The following ANKIB1 variants were observed in gnomAD, a reference collection of about 807,000 sequenced individuals.
The protein encoded by ANKIB1 is ankyrin repeat and IBR domain containing 1, also known as ankyrin repeat and IBR domain-containing protein 1.
Under a neutral mutation model 122.1 loss-of-function variants are expected in ANKIB1, and 43 were observed. The observed-to-expected ratio is 0.35, with a 90% CI of 0.28 to 0.45. The LOEUF (loss-of-function observed/expected upper bound fraction) is 0.45, where lower values mean the gene tolerates loss of function less well. Among genes scored for constraint, ANKIB1 ranks in the 20% least tolerant of loss-of-function variants. The probability of loss-of-function intolerance (pLI) is 1.00; values close to 1 mark genes in which losing one functional copy is unlikely to be tolerated. For synonymous variants in ANKIB1, 390 were observed against 442.0 expected (o/e 0.88, Z 1.48); for missense variants, 992 against 1,329.5 (o/e 0.75, Z 3.95).
At chr7:92,303,382 G>A (rs961322930) in intron 2 of ANKIB1, among the ~76,000 whole-genome samples, 2 of 152,104 alleles carry the variant, frequency 1.3e-5, no homozygotes, top group Non-Finnish European at 2.9e-5. Flanking sequence ...TCTGAATTAG[G>A]GATATTCAAT....
At chr7:92,381,376 A>G (rs959020876) in intron 11 of ANKIB1, among the ~76,000 whole-genome samples, 1 of 152,206 alleles carries the variant, frequency 6.6e-6, no homozygotes, top group Admixed American at 6.5e-5. Context: ...ATTCAAGTTC[A>G]GGAAACACAG....
intron 1 of ANKIB1, among the ~76,000 whole-genome samples, chr7:92,278,173 C>T (rs1283006289): frequency 6.6e-6 from 1 of 151,924 alleles, no homozygotes; most frequent in Non-Finnish European, 1.5e-5. Flanking sequence ...AGTGCTTGAG[C>T]CCAGGAGTTC....
At chr7:92,356,496 G>A (rs7780220) in intron 9 of ANKIB1, among the ~76,000 whole-genome samples, 8,545 of 152,200 alleles carry the variant, frequency 0.056, 317 homozygotes, top group Non-Finnish European at 0.084. Flanking sequence ...AATATCATGT[G>A]TACTCTCTGC....
intron 11 of ANKIB1, among the ~76,000 whole-genome samples, chr7:92,375,993 G>A (rs563711662): frequency 1.6e-4 from 25 of 152,328 alleles, no homozygotes; most frequent in African/African-American, 4.8e-4. Flanking sequence ...CCAATGAGCA[G>A]TAATATTTTA....
At chr7:92,387,384 C>G (rs1032383793) in intron 12 of ANKIB1, among the ~76,000 whole-genome samples, 2 of 152,056 alleles carry the variant, frequency 1.3e-5, no homozygotes, top group Non-Finnish European at 2.9e-5. Context: ...CTTTTAATCC[C>G]AGCACTTTTG....
intron 5 of ANKIB1, among the ~76,000 whole-genome samples, chr7:92,331,769 G>A (rs1803178969): frequency 6.6e-6 from 1 of 152,114 alleles, no homozygotes; most frequent in Non-Finnish European, 1.5e-5. Flanking sequence ...ACACCTCACT[G>A]TCACGTGGCC....
At chr7:92,372,461 A>C (rs888143169) in intron 11 of ANKIB1, among the ~76,000 whole-genome samples, 2 of 152,194 alleles carry the variant, frequency 1.3e-5, no homozygotes, top group East Asian at 3.9e-4. Context: ...CCAATCCTCC[A>C]TGGATACCAG....
At chr7:92,391,423 G>A (rs767199433) in intron 16 of ANKIB1, 79 bp downstream of exon 16, 42 of 1,257,388 alleles carry the variant, frequency 3.3e-5, no homozygotes, top group Non-Finnish European at 3.7e-5. Flanking sequence ...TCCAACTAGG[G>A]TTCATATTCC....
At chr7:92,353,577 T>G (rs1803710499) in intron 9 of ANKIB1, among the ~76,000 whole-genome samples, 1 of 152,226 alleles carries the variant, frequency 6.6e-6, no homozygotes, top group African/African-American at 2.4e-5. Context: ...AACCAGAAAC[T>G]AAGTGTATCA....
chr7:92,262,592 T>G (rs530643246), intron 1 of ANKIB1, among the ~76,000 whole-genome samples: 110 of 152,270 alleles, frequency 7.2e-4, no homozygotes, highest in Admixed American at 5.9e-3. Flanking sequence ...CATGATCTGG[T>G]TCTGCAATTA....
In ANKIB1 at chr7:92,246,882, T is replaced by TAG. The variant is rs956700035; in HGVS notation, c.-91+370_-91+371dup. 8.5e-5 allele frequency among the ~76,000 whole-genome samples: 13 copies of TAG among 152,146 alleles called. 1 individual carries two copies. The highest frequency in any genetic ancestry group is 2.6e-4 in the Admixed American group (4 of 15,264). On this transcript the variant is annotated intron_variant, in intron 1 of 19. Coordinates refer to ENST00000265742, the MANE Select transcript of ANKIB1 (RefSeq NM_019004.2). ...CACGGGTTCTGCCGACCTCGGGGGC[T>TAG]AGAGAGAGTCTTGAGAAGCGGATGG...
At chr7:92,309,935 AAAAAAAAAT>A (rs1489699759) in intron 3 of ANKIB1, among the ~76,000 whole-genome samples, 1 of 135,326 alleles carries the variant, frequency 7.4e-6, no homozygotes, top group African/African-American at 2.7e-5. Context: ...AAAAAAAAAA[AAAAAAAAAT>A]ATATATATAT....
In ANKIB1 at chr7:92,400,859, T is replaced by A. The variant is rs1804997731; in HGVS notation, c.*1910T>A. 6.6e-6 allele frequency: 1 copy of A among 152,200 alleles called. No individual in the cohort carries two copies. 9.4% of individuals were successfully genotyped at this position (152,200 alleles called of 1,614,324 possible). On this transcript the variant is annotated 3_prime_UTR_variant, in exon 20 of 20. Transcript: ENST00000265742. ...AAACTGAAATAGTCCATTAAAGGAT[T>A]TTTTTATAAATTTATTTTGGATTAA...
intron 12 of ANKIB1, 57 bp downstream of exon 12, chr7:92,386,700 T>C: frequency 7.2e-7 from 1 of 1,383,230 alleles, no homozygotes; most frequent in Non-Finnish European, 9.5e-7. Flanking sequence ...GCCACTGGAA[T>C]TATTTTGTAT....
intron 11 of ANKIB1, among the ~76,000 whole-genome samples, chr7:92,383,512 T>A (rs1804565853): frequency 6.6e-6 from 1 of 152,074 alleles, no homozygotes; most frequent in Non-Finnish European, 1.5e-5. Context: ...GCAAACCAAA[T>A]CCAGCAGCAC....
chr7:92,360,968 G>C (rs1803931145), intron 9 of ANKIB1, among the ~76,000 whole-genome samples: 1 of 151,978 alleles, frequency 6.6e-6, no homozygotes, highest in Non-Finnish European at 1.5e-5. Flanking sequence ...AGACTCAAGT[G>C]ATCCTCCTAC....
chr7:92,320,677 C>T (rs1002097515), intron 4 of ANKIB1, among the ~76,000 whole-genome samples: 2 of 152,138 alleles, frequency 1.3e-5, no homozygotes, highest in Non-Finnish European at 2.9e-5. Context: ...AACCTGTACT[C>T]CTACCTCTCT....
chr7:92,330,648 C>T (rs996058151), intron 5 of ANKIB1, among the ~76,000 whole-genome samples: 2 of 151,984 alleles, frequency 1.3e-5, no homozygotes, highest in East Asian at 3.9e-4. Flanking sequence ...CGAGACTATC[C>T]TGGCTAACAT....
chr7:92,319,986 C>G (rs1214503239), intron 4 of ANKIB1: 1 of 153,412 alleles, frequency 6.5e-6, no homozygotes, highest in African/African-American at 2.4e-5. Context: ...AGCTATGGGT[C>G]TTTTGTCTAT....
Sources: gnomAD v4.1 joint callset for allele counts (sites outside exome capture counted in the v4.1 genomes callset) on GRCh38, gnomAD v4.1.1 for gene constraint, MANE v1.5 for transcripts, NCBI Gene and HGNC (gene_info 2026-07-23, HGNC 2026-07-21) for gene names.